The following ZNF385B variants were observed in gnomAD, a reference collection of about 807,000 sequenced individuals.
ZNF385B encodes zinc finger protein 533.
Under a neutral mutation model 39.2 loss-of-function variants are expected in ZNF385B, and 23 were observed. That is an observed-to-expected ratio of 0.59 (90% CI 0.42 to 0.83). The LOEUF is 0.83. Among genes scored for constraint, ZNF385B ranks in the 40% least tolerant of loss-of-function variants. The pLI is 0.00. For missense variants in ZNF385B, 552 were observed against 598.9 expected (o/e 0.92, Z 0.82); for synonymous variants, 205 against 222.6 (o/e 0.92, Z 0.70).
chr2:179,809,753 C>T (rs926581260), intron 1 of ZNF385B, among the ~76,000 whole-genome samples: 3 of 151,908 alleles, frequency 2.0e-5, no homozygotes, highest in African/African-American at 7.2e-5. Flanking sequence ...TGCTATAATA[C>T]TTATGATGAT....
chr2:179,609,754 T>C (rs1167406864), intron 3 of ZNF385B, among the ~76,000 whole-genome samples: 1 of 152,220 alleles, frequency 6.6e-6, no homozygotes, highest in Non-Finnish European at 1.5e-5. Context: ...TGCCTGTCTT[T>C]TGAATAAAAG....
intron 2 of ZNF385B, among the ~76,000 whole-genome samples, 188 bp from the exon 3 acceptor site, chr2:179,769,990 T>C (rs1703922139): frequency 6.6e-6 from 1 of 152,190 alleles, no homozygotes; most frequent in Admixed American, 6.5e-5. Flanking sequence ...GAGTTCCTTG[T>C]GCCTGGGGGT....
chr2:179,526,748 A>G (rs994467448), intron 4 of ZNF385B, among the ~76,000 whole-genome samples: 1 of 152,206 alleles, frequency 6.6e-6, no homozygotes, highest in Non-Finnish European at 1.5e-5. Context: ...GAGCACCCTG[A>G]CAAGGGTCCA....
At chr2:179,765,127 G>A (rs778146062) in intron 3 of ZNF385B, among the ~76,000 whole-genome samples, 1 of 152,084 alleles carries the variant, frequency 6.6e-6, no homozygotes, top group Admixed American at 6.5e-5. Context: ...TTCTCCTACT[G>A]GTTCTGCTTC....
chr2:179,541,224 T>A (rs865948743), intron 4 of ZNF385B, among the ~76,000 whole-genome samples: 3 of 152,190 alleles, frequency 2.0e-5, no homozygotes, highest in Non-Finnish European at 2.9e-5. Context: ...TATTTTTACA[T>A]ACATATGCAT....
chr2:179,658,056 A>G (rs1390145992), intron 3 of ZNF385B, among the ~76,000 whole-genome samples: 1 of 152,230 alleles, frequency 6.6e-6, no homozygotes, highest in Non-Finnish European at 1.5e-5. Context: ...ATATGAAAAT[A>G]TTTTATGATT....
At chr2:179,816,343 G>A (rs777988775) in intron 1 of ZNF385B, among the ~76,000 whole-genome samples, 18 of 152,126 alleles carry the variant, frequency 1.2e-4, no homozygotes, top group Non-Finnish European at 2.6e-4. Flanking sequence ...CCTCTGGAAT[G>A]CCTTGGTCCC....
chr2:179,672,588 G>A (rs1696171147), intron 3 of ZNF385B, among the ~76,000 whole-genome samples: 1 of 152,138 alleles, frequency 6.6e-6, no homozygotes, highest in Non-Finnish European at 1.5e-5. Context: ...CAAGGCGATG[G>A]TATTAGGAGG....
At chr2:179,633,997 C>A (rs971365198) in intron 3 of ZNF385B, among the ~76,000 whole-genome samples, 37 of 152,122 alleles carry the variant, frequency 2.4e-4, no homozygotes, top group Non-Finnish European at 2.9e-4. Flanking sequence ...GGAAAACTGG[C>A]TAGCCATATG....
At chr2:179,732,506 C>T (rs1029844821) in intron 3 of ZNF385B, among the ~76,000 whole-genome samples, 1 of 152,152 alleles carries the variant, frequency 6.6e-6, no homozygotes, top group African/African-American at 2.4e-5. Flanking sequence ...AGGAAAATAG[C>T]TAGATAATCA....
chr2:179,539,191 G>A (rs1488257454), intron 4 of ZNF385B, among the ~76,000 whole-genome samples: 1 of 152,176 alleles, frequency 6.6e-6, no homozygotes, highest in East Asian at 1.9e-4. Flanking sequence ...TCCGAGTGAG[G>A]GCTGTCTTCC....
chr2:179,547,302 C>G (rs972355379), intron 3 of ZNF385B, among the ~76,000 whole-genome samples: 3 of 149,480 alleles, frequency 2.0e-5, no homozygotes, highest in Non-Finnish European at 3.0e-5. Context: ...CTCCAATATC[C>G]TGGAGAATTT....
intron 8 of ZNF385B, 53 bp downstream of exon 8, chr2:179,445,497 A>G: frequency 6.5e-7 from 1 of 1,532,756 alleles, no homozygotes; most frequent in Non-Finnish European, 8.8e-7. Context: ...GAGAAGATAC[A>G]CAGTCAAGTG....
At chr2:179,605,044 A>G (rs1281321547) in intron 3 of ZNF385B, among the ~76,000 whole-genome samples, 2 of 152,146 alleles carry the variant, frequency 1.3e-5, no homozygotes, top group African/African-American at 4.8e-5. Context: ...TATCTTTAAT[A>G]TAATAACGTC....
chr2:179,754,879 C>G (rs932475369), intron 3 of ZNF385B, among the ~76,000 whole-genome samples: 2 of 152,104 alleles, frequency 1.3e-5, no homozygotes, highest in Non-Finnish European at 2.9e-5. Flanking sequence ...TTTCAAAAAA[C>G]CAGCTCTTGG....
intron 3 of ZNF385B, among the ~76,000 whole-genome samples, chr2:179,656,028 G>GT (rs1559039310): frequency 6.6e-6 from 1 of 152,044 alleles, no homozygotes; most frequent in Non-Finnish European, 1.5e-5. Context: ...ATGTTAATAG[G>GT]TTTGGTTACT....
chr2:179,605,255 A>G (rs58605961), intron 3 of ZNF385B, among the ~76,000 whole-genome samples: 1,666 of 152,036 alleles, frequency 0.011, 42 homozygotes, highest in African/African-American at 0.038. Context: ...TTTTTTCAGT[A>G]AGATTTACTT....
At chr2:179,455,498 A>T (rs2050591910) in intron 6 of ZNF385B, among the ~76,000 whole-genome samples, 2 of 152,086 alleles carry the variant, frequency 1.3e-5, no homozygotes. Flanking sequence ...CATGTGAAGA[A>T]GGGCATGTTT....
intron 3 of ZNF385B, among the ~76,000 whole-genome samples, chr2:179,760,241 T>C (rs1703300213): frequency 6.6e-6 from 1 of 151,940 alleles, no homozygotes; most frequent in African/African-American, 2.4e-5. Flanking sequence ...TGTGTGTGTG[T>C]GTGTGTGTGT....
Sources: allele counts gnomAD v4.1 joint callset (sites outside exome capture counted in the v4.1 genomes callset), GRCh38; gene constraint gnomAD v4.1.1; transcripts MANE v1.5; gene names NCBI Gene and HGNC (gene_info 2026-07-23, HGNC 2026-07-21).